RAB8B: variants seen among roughly 807,000 people sequenced by gnomAD.
The protein encoded by RAB8B is RAB8B, member RAS oncogene family.
In RAB8B, 11 loss-of-function variants were observed where a neutral mutation model predicts 32.0. The observed-to-expected ratio is 0.34, with a 90% CI of 0.22 to 0.57. The LOEUF (loss-of-function observed/expected upper bound fraction) is 0.57. Ranked by LOEUF, RAB8B falls within the 20% of genes least tolerant of loss-of-function variation. RAB8B has a pLI of 0.86. For missense variants in RAB8B, 190 were observed against 258.5 expected, an observed-to-expected ratio of 0.73 and a Z score of 1.82; for synonymous variants, 103 against 89.6, an observed-to-expected ratio of 1.15 and a Z score of -0.85.
At chr15:63,214,076 G>A (rs1323848009) in intron 1 of RAB8B, among the ~76,000 whole-genome samples, 2 of 144,758 alleles carry the variant, frequency 1.4e-5, no homozygotes, top group South Asian at 5.0e-4. Flanking sequence ...GCGAGACTCT[G>A]TCTCAGGGGA....
At chr15:63,205,337 A>G (rs961561255) in intron 1 of RAB8B, among the ~76,000 whole-genome samples, 2 of 152,140 alleles carry the variant, frequency 1.3e-5, no homozygotes, top group Non-Finnish European at 2.9e-5. Context: ...ATAAAAATAA[A>G]TACAATTTAA....
In RAB8B at chr15:63,259,690, G is replaced by C; in HGVS notation, c.478G>C (p.Glu160Gln). The change falls in exon 6 of 8, where the codon GAG becomes CAG. Residue 160 changes from glutamate to glutamine, a missense_variant and splice_region_variant. Coordinates refer to ENST00000321437, the MANE Select transcript of RAB8B (RefSeq NM_016530.3). This position sits in a 1 kb window ranked among gnomAD's most constrained non-coding sequence, Gnocchi z 4.4. ...CGCAAAATCCAGTGCAAATGTAGAA[G>C]AGGTAAGAAGGAAACGTTTGGTGAC... ...TSAKSSANVE[E>Q]AFFTLARDIM... 3.7e-6 allele frequency: 6 copies of C among 1,613,588 alleles called. No homozygotes were observed. The highest frequency in any genetic ancestry group is 4.2e-6 in the Non-Finnish European group (5 of 1,179,488).
intron 1 of RAB8B, among the ~76,000 whole-genome samples, chr15:63,190,398 A>G (rs903333376): frequency 3.3e-5 from 5 of 152,126 alleles, no homozygotes; most frequent in African/African-American, 1.2e-4. Flanking sequence ...GGGCAGAATG[A>G]GGATACTTGA....
chr15:63,195,867 A>G (rs1053860226), intron 1 of RAB8B, among the ~76,000 whole-genome samples: 2 of 152,218 alleles, frequency 1.3e-5, no homozygotes, highest in Non-Finnish European at 2.9e-5. Flanking sequence ...CAGAAATGCA[A>G]GTAGCCACGG....
intron 1 of RAB8B, among the ~76,000 whole-genome samples, chr15:63,213,273 T>C (rs2037762279): frequency 6.6e-6 from 1 of 152,186 alleles, no homozygotes; most frequent in Non-Finnish European, 1.5e-5. Context: ...AAATGTCTTC[T>C]AGGTACTATT....
intron 1 of RAB8B, among the ~76,000 whole-genome samples, chr15:63,201,533 C>T (rs1300690981): frequency 6.6e-6 from 1 of 152,174 alleles, no homozygotes; most frequent in Non-Finnish European, 1.5e-5. Flanking sequence ...AGAAGAGCTT[C>T]TAACCTTATT....
chr15:63,203,912 C>T lies in RAB8B; in HGVS notation c.124+14164C>T, dbSNP rs369408012. On this transcript the variant is annotated intron_variant, in intron 1 of 7. Transcript: ENST00000321437. Reference sequence around the variant, plus strand: ...AGGTGGTATGGTGCAGGGTGAACTGCGGGTGTCACTCCTTACCAGCTGGGT... The same window carrying T: ...AGGTGGTATGGTGCAGGGTGAACTGTGGGTGTCACTCCTTACCAGCTGGGT... 1.9e-4 allele frequency among the ~76,000 whole-genome samples: 29 copies of T among 152,044 alleles called. No homozygotes were observed. The South Asian group carries it at 3.3e-3, about 17-fold the overall frequency.
At chr15:63,253,311 T>A (rs1055796737) in intron 3 of RAB8B, among the ~76,000 whole-genome samples, 2 of 152,238 alleles carry the variant, frequency 1.3e-5, no homozygotes, top group African/African-American at 4.8e-5. Flanking sequence ...GTATTCTTTG[T>A]CTATGTGTAT....
chr15:63,209,412 G>A (rs1014698870), intron 1 of RAB8B, among the ~76,000 whole-genome samples: 1 of 151,722 alleles, frequency 6.6e-6, no homozygotes, highest in Non-Finnish European at 1.5e-5. Flanking sequence ...CCAACATGGT[G>A]AAACCCTGTC....
In RAB8B at chr15:63,259,601, T is replaced by G; in HGVS notation, c.415-26T>G. 2 of 1,597,856 alleles carry G rather than the reference T, an allele frequency of 1.3e-6. No individual in the cohort carries two copies. The highest frequency in any genetic ancestry group is 2.2e-5 in the South Asian group (2 of 90,692). On this transcript the variant is annotated intron_variant, in intron 5 of 7. Transcript: ENST00000321437. This position sits in a 1 kb window ranked among gnomAD's most constrained non-coding sequence, Gnocchi z 4.4. ...ATGTGTTCAAGTATCTTTTGCTAAA[T>G]TTAAATATTTCTGTTTACTTTTCAG... is the stretch of plus-strand genomic sequence containing the variant.
chr15:63,226,064 T>C, intron 1 of RAB8B, among the ~76,000 whole-genome samples: 1 of 152,178 alleles, frequency 6.6e-6, no homozygotes, highest in Admixed American at 6.5e-5. Flanking sequence ...GGTCTTGAAC[T>C]CCTGGGCTCA....
intron 1 of RAB8B, among the ~76,000 whole-genome samples, chr15:63,219,004 A>AT (rs71131152): frequency 0.013 from 1,267 of 94,512 alleles, 150 homozygotes; most frequent in African/African-American, 0.037. Context: ...CCAGCAGTGG[A>AT]TTTTTTTTTT....
At chr15:63,203,008 T>C (rs1463550264) in intron 1 of RAB8B, among the ~76,000 whole-genome samples, 2 of 152,226 alleles carry the variant, frequency 1.3e-5, no homozygotes, top group African/African-American at 4.8e-5. Flanking sequence ...TGGTCATTGG[T>C]TTCTCTATGG....
chr15:63,243,000 C>G (rs950390299), intron 1 of RAB8B, among the ~76,000 whole-genome samples: 7 of 152,184 alleles, frequency 4.6e-5, no homozygotes, highest in Non-Finnish European at 1.0e-4. Flanking sequence ...TCAGCGGGAG[C>G]TGTGAGCATG....
chr15:63,211,093 C>G (rs144502801), intron 1 of RAB8B, among the ~76,000 whole-genome samples: 6 of 152,296 alleles, frequency 3.9e-5, no homozygotes, highest in African/African-American at 1.4e-4. Flanking sequence ...GGGAAGGATC[C>G]TATGGTTGGT....
chr15:63,241,741 G>A (rs966841174), intron 1 of RAB8B, among the ~76,000 whole-genome samples: 3 of 152,076 alleles, frequency 2.0e-5, no homozygotes, highest in African/African-American at 7.2e-5. Flanking sequence ...CAGGTTTTGG[G>A]CATTGTTCTT....
chr15:63,209,976 C>T (rs897705312), intron 1 of RAB8B, among the ~76,000 whole-genome samples: 1 of 151,954 alleles, frequency 6.6e-6, no homozygotes, highest in Non-Finnish European at 1.5e-5. Flanking sequence ...GTTGAACTCC[C>T]GCTTATGAGA....
chr15:63,224,533 TG>T (rs1456566816), intron 1 of RAB8B, among the ~76,000 whole-genome samples: 1 of 152,188 alleles, frequency 6.6e-6, no homozygotes, highest in African/African-American at 2.4e-5. Context: ...AACCTTGCCT[TG>T]GGAGATAGCT....
chr15:63,229,588 C>T (rs2037917725), intron 1 of RAB8B, among the ~76,000 whole-genome samples: 1 of 151,996 alleles, frequency 6.6e-6, no homozygotes, highest in Non-Finnish European at 1.5e-5. Flanking sequence ...TCAAGCCATT[C>T]TGGCCAACAT....
Sources: gnomAD v4.1 joint callset for allele counts (sites outside exome capture counted in the v4.1 genomes callset) on GRCh38, gnomAD v4.1.1 for gene constraint, Gnocchi (gnomAD v3.1) non-coding constraint, MANE v1.5 for transcripts, NCBI Gene and HGNC (gene_info 2026-07-23, HGNC 2026-07-21) for gene names.